The following BLTP3B variants were observed in gnomAD, a reference collection of about 807,000 sequenced individuals.
BLTP3B encodes UHRF1 (ICBP90) binding protein 1-like.
At chr12:100,070,594 TAAAACAGA>T in the BLTP3B span, among the ~76,000 whole-genome samples, 1 of 152,094 alleles carries the variant, frequency 6.6e-6, no homozygotes, top group Non-Finnish European at 1.5e-5. Context: ...AATAAAGCAA[TAAAACAGA>T]TAGACAGCCT....
the BLTP3B span, among the ~76,000 whole-genome samples, chr12:100,071,638 C>T: frequency 3.1e-3 from 463 of 151,078 alleles, 2 homozygotes; most frequent in African/African-American, 0.01. Flanking sequence ...TACAAATGTA[C>T]AATCATTTTA....
the BLTP3B span, among the ~76,000 whole-genome samples, chr12:100,124,532 C>T: frequency 6.6e-6 from 1 of 151,414 alleles, no homozygotes; most frequent in African/African-American, 2.4e-5. Flanking sequence ...ATCACGAGCT[C>T]AGGAGTTCGA....
chr12:100,102,320 C>A, the BLTP3B span, among the ~76,000 whole-genome samples: 1 of 152,130 alleles, frequency 6.6e-6, no homozygotes, highest in Admixed American at 6.6e-5. Context: ...CCGTTTTGCC[C>A]AGGCTGGTCT....
chr12:100,083,580 A>C, the BLTP3B span, among the ~76,000 whole-genome samples: 1 of 151,922 alleles, frequency 6.6e-6, no homozygotes, highest in Non-Finnish European at 1.5e-5. Context: ...AATGCTCCCA[A>C]CTTAACTAAT....
chr12:100,048,947 C>A, the BLTP3B span, among the ~76,000 whole-genome samples: 1 of 151,852 alleles, frequency 6.6e-6, no homozygotes, highest in Non-Finnish European at 1.5e-5. Context: ...AACAAAAGTT[C>A]CTAGTGAAAC....
At chr12:100,142,559 C>A in the BLTP3B span, 1 of 1,602,420 alleles carries the variant, frequency 6.2e-7, no homozygotes, top group Non-Finnish European at 8.5e-7. Flanking sequence ...GGGGTGGAGG[C>A]CGACTGGCGC....
the BLTP3B span, among the ~76,000 whole-genome samples, chr12:100,138,023 C>T: frequency 2.9e-4 from 44 of 152,200 alleles, no homozygotes. Flanking sequence ...GGAAGATAGG[C>T]CAGCACTCTA....
At chr12:100,066,629 TAA>T in the BLTP3B span, among the ~76,000 whole-genome samples, 83 of 136,058 alleles carry the variant, frequency 6.1e-4, no homozygotes, top group African/African-American at 9.0e-4. Flanking sequence ...CTGTCTCTAC[TAA>T]AAAAAAAAAA....
chr12:100,111,752 C>T, the BLTP3B span, among the ~76,000 whole-genome samples: 10,422 of 152,008 alleles, frequency 0.069, 388 homozygotes, highest in South Asian at 0.089. Context: ...ATGACAGGCA[C>T]GCACCACCAC....
chr12:100,059,781 C>T, the BLTP3B span: 1 of 1,430,514 alleles, frequency 7.0e-7, no homozygotes. Flanking sequence ...ATGTAACATA[C>T]ATATACGCAC....
At chr12:100,081,875 C>G in the BLTP3B span, among the ~76,000 whole-genome samples, 1 of 152,186 alleles carries the variant, frequency 6.6e-6, no homozygotes, top group Non-Finnish European at 1.5e-5. Flanking sequence ...CATGAACATA[C>G]AAGTGCACGT....
chr12:100,089,872 G>A, the BLTP3B span, among the ~76,000 whole-genome samples: 1 of 152,156 alleles, frequency 6.6e-6, no homozygotes, highest in Non-Finnish European at 1.5e-5. Flanking sequence ...CCTGGTGGGA[G>A]ATAATTCAAT....
chr12:100,092,207 T>C, the BLTP3B span, among the ~76,000 whole-genome samples: 6 of 152,192 alleles, frequency 3.9e-5, no homozygotes, highest in Non-Finnish European at 5.9e-5. Context: ...AACTGCCTAG[T>C]TGTAAAGTTG....
the BLTP3B span, chr12:100,104,097 A>C: frequency 2.0e-6 from 1 of 493,742 alleles, no homozygotes; most frequent in Admixed American, 4.2e-5. Context: ...TAAACTAAGC[A>C]ACTCACTCAT....
chr12:100,130,976 AGG>A, the BLTP3B span, among the ~76,000 whole-genome samples: 9,763 of 101,660 alleles, frequency 0.096, 812 homozygotes, highest in African/African-American at 0.26. Flanking sequence ...AGAGAGAGAG[AGG>A]GAGGGAGAGA....
chr12:100,070,534 G>C, the BLTP3B span, among the ~76,000 whole-genome samples: 1 of 152,108 alleles, frequency 6.6e-6, no homozygotes, highest in Non-Finnish European at 1.5e-5. Context: ...TGGGATTACA[G>C]GCATGAGCCA....
At chr12:100,105,464 G>T in the BLTP3B span, among the ~76,000 whole-genome samples, 15 of 152,246 alleles carry the variant, frequency 9.9e-5, no homozygotes, top group Admixed American at 9.2e-4. Context: ...TCAATAAATG[G>T]TGCTGGAAAA....
At chr12:100,059,765 T>C in the BLTP3B span, 1 of 1,342,958 alleles carries the variant, frequency 7.4e-7, no homozygotes, top group South Asian at 1.3e-5. Context: ...CATGAATTAA[T>C]AATCAATGTA....
At chr12:100,057,776 C>A in the BLTP3B span, 1 of 1,538,352 alleles carries the variant, frequency 6.5e-7, no homozygotes. Flanking sequence ...AAAATTATTA[C>A]ATATAGAGAA....
Sources: gnomAD v4.1 joint callset for allele counts (sites outside exome capture counted in the v4.1 genomes callset) on GRCh38, gnomAD v4.1.1 for gene constraint, MANE v1.5 for transcripts, NCBI Gene and HGNC (gene_info 2026-07-23, HGNC 2026-07-21) for gene names.